LGR5: variants seen among roughly 807,000 people sequenced by gnomAD.
LGR5 encodes leucine rich repeat containing G protein-coupled receptor 5.
In LGR5, 54 loss-of-function variants were observed where a neutral mutation model predicts 76.7. That is an observed-to-expected ratio of 0.70 (90% CI 0.57 to 0.88). The LOEUF (loss-of-function observed/expected upper bound fraction) is 0.88. Ranked by LOEUF, LGR5 falls within the 40% of genes least tolerant of loss-of-function variation. The pLI, the probability that LGR5 is intolerant of heterozygous loss-of-function variation, is 0.00. For missense variants in LGR5, 1,078 were observed against 1,073.3 expected (o/e 1.00, Z -0.06); for synonymous variants, 406 against 421.9 (o/e 0.96, Z 0.46).
At chr12:71,514,515 C>T (rs1358074768) in intron 2 of LGR5, among the ~76,000 whole-genome samples, 6 of 150,460 alleles carry the variant, frequency 4.0e-5, no homozygotes, top group African/African-American at 1.2e-4. Flanking sequence ...TTGCAGTGAG[C>T]CCAGATCGCG....
intron 3 of LGR5, among the ~76,000 whole-genome samples, chr12:71,527,199 C>T (rs1358365838): frequency 6.6e-6 from 1 of 152,156 alleles, no homozygotes; most frequent in East Asian, 1.9e-4. Flanking sequence ...GTTCACTCTT[C>T]TTTTTACTTT....
At chr12:71,547,631 CAA>C (rs1877251431) in intron 4 of LGR5, among the ~76,000 whole-genome samples, 1 of 152,144 alleles carries the variant, frequency 6.6e-6, no homozygotes, top group African/African-American at 2.4e-5. Flanking sequence ...CATTGACCCA[CAA>C]AGAGAGATAT....
chr12:71,504,662 C>T lies in LGR5; in HGVS notation c.261C>T (p.Pro87=), dbSNP rs1360586674. 1 of 1,613,936 alleles carries T rather than the reference C, an allele frequency of 6.2e-7. No individual in the cohort carries two copies. The highest frequency in any genetic ancestry group is 8.5e-7 in the Non-Finnish European group (1 of 1,179,850). The change falls in exon 2 of 18, where the codon CCC becomes CCT. Residue 87 remains proline (P), a synonymous_variant. Transcript: ENST00000266674. The stretch of plus-strand genomic sequence containing the variant: ...GTCAGCTGCTCCCGAATCCCCTGCC[C>T]AGTCTCCGCTTCCTGGAGGAGTTGT... ...NISQLLPNPL[P]SLRFLEELRL...
intron 1 of LGR5, among the ~76,000 whole-genome samples, chr12:71,501,172 A>G (rs1874581883): frequency 6.6e-6 from 1 of 152,232 alleles, no homozygotes; most frequent in African/African-American, 2.4e-5. Flanking sequence ...ATTTGCTGCT[A>G]AGGTTATGTG....
At chr12:71,550,531 G>C (rs1237755958) in intron 4 of LGR5, among the ~76,000 whole-genome samples, 1 of 150,198 alleles carries the variant, frequency 6.7e-6, no homozygotes, top group African/African-American at 2.5e-5. Flanking sequence ...CATGATCTCG[G>C]CTCACTGCAG....
At chr12:71,565,800 G>A (rs1160171615) in intron 8 of LGR5, among the ~76,000 whole-genome samples, 2 of 151,584 alleles carry the variant, frequency 1.3e-5, no homozygotes, top group African/African-American at 2.4e-5. Flanking sequence ...CATTGACCAG[G>A]CAGTTCAAAT....
At chr12:71,533,497 A>G (rs1438276822) in intron 3 of LGR5, among the ~76,000 whole-genome samples, 5 of 152,186 alleles carry the variant, frequency 3.3e-5, no homozygotes, top group African/African-American at 1.2e-4. Context: ...CAGACCTACT[A>G]AACCAGAAAC....
intron 1 of LGR5, among the ~76,000 whole-genome samples, chr12:71,463,277 C>T (rs947265019): frequency 4.6e-5 from 7 of 152,176 alleles, no homozygotes; most frequent in African/African-American, 1.7e-4. Flanking sequence ...CTGGCTTGCA[C>T]AACTCAAGGA....
chr12:71,536,758 GA>G (rs1876609441), intron 4 of LGR5, among the ~76,000 whole-genome samples: 1 of 152,206 alleles, frequency 6.6e-6, no homozygotes, highest in African/African-American at 2.4e-5. Flanking sequence ...AACTCTTTGA[GA>G]AAAAGAAAAC....
rs1433415940 is a variant in LGR5, at chr12:71,584,509, C to G, written c.2499C>G (p.Ser833Arg). 1 of 1,614,174 alleles carries G rather than the reference C, an allele frequency of 6.2e-7. No individual in the cohort carries two copies. Among genetic ancestry groups the G allele is most frequent in the East Asian group, 2.2e-5 (1 of 44,884 alleles). The change falls in exon 18 of 18, where the codon AGC becomes AGG. Residue 833 changes from serine to arginine, a missense_variant. By Grantham distance (110) the Ser-to-Arg change is moderately radical. Transcript: ENST00000266674. ...FNPHFKEDLV[S>R]LRKQTYVWTR... is the part of the protein sequence containing the mutation. ...CTCACTTTAAGGAGGATCTGGTGAG[C>G]CTGAGAAAGCAAACCTACGTCTGGA...
At chr12:71,508,244 A>G (rs979532614) in intron 2 of LGR5, among the ~76,000 whole-genome samples, 1 of 151,996 alleles carries the variant, frequency 6.6e-6, no homozygotes, top group Admixed American at 6.6e-5. Flanking sequence ...AACAAAAAAA[A>G]TCACTATTAA....
chr12:71,583,583 G>A, intron 17 of LGR5, 64 bp from the exon 18 acceptor site: 2 of 1,527,512 alleles, frequency 1.3e-6, no homozygotes, highest in Non-Finnish European at 1.8e-6. Context: ...AGACAAAAGG[G>A]TAATTCAGCA....
intron 3 of LGR5, among the ~76,000 whole-genome samples, chr12:71,529,292 C>T (rs1470260624): frequency 2.0e-5 from 3 of 152,182 alleles, no homozygotes; most frequent in Admixed American, 6.5e-5. Context: ...GGGGAGGCCT[C>T]GGGAAACTTA....
intron 7 of LGR5, 111 bp downstream of exon 7, chr12:71,559,765 T>C: frequency 3.5e-6 from 2 of 578,862 alleles, no homozygotes; most frequent in Non-Finnish European, 6.1e-6. Context: ...TTTAAGTTTA[T>C]ATAAATAATG....
intron 11 of LGR5, 92 bp downstream of exon 11, chr12:71,567,004 G>A: frequency 9.4e-7 from 1 of 1,064,674 alleles, no homozygotes. Context: ...CTCTTTAAAA[G>A]AGGAGAAAGT....
chr12:71,538,965 T>A (rs1260167885), intron 4 of LGR5, among the ~76,000 whole-genome samples: 1 of 152,256 alleles, frequency 6.6e-6, no homozygotes, highest in African/African-American at 2.4e-5. Flanking sequence ...TTGTCTTATT[T>A]GTGTTTAATT....
chr12:71,571,779 C>A (rs1878622275), intron 12 of LGR5, among the ~76,000 whole-genome samples, 200 bp downstream of exon 12: 1 of 152,184 alleles, frequency 6.6e-6, no homozygotes, highest in African/African-American at 2.4e-5. Context: ...TGCACTGTAC[C>A]ATATTAGTAA....
intron 4 of LGR5, among the ~76,000 whole-genome samples, chr12:71,549,388 A>T (rs1296078432): frequency 6.6e-6 from 1 of 152,208 alleles, no homozygotes; most frequent in Non-Finnish European, 1.5e-5. Context: ...TGGCATGGTG[A>T]CTACAGTTAA....
intron 1 of LGR5, among the ~76,000 whole-genome samples, chr12:71,453,093 A>G (rs1872314452): frequency 6.6e-6 from 1 of 152,236 alleles, no homozygotes; most frequent in Admixed American, 6.5e-5. Flanking sequence ...TGTTAAAAAC[A>G]AGAAAAGAAC....
Sources: allele counts gnomAD v4.1 joint callset (sites outside exome capture counted in the v4.1 genomes callset), GRCh38; gene constraint gnomAD v4.1.1; transcripts MANE v1.5; gene names NCBI Gene and HGNC (gene_info 2026-07-23, HGNC 2026-07-21).